The following CBR4 variants were observed in gnomAD, a reference collection of about 807,000 sequenced individuals.
CBR4 encodes the protein 3-oxoacyl-[acyl-carrier-protein] reductase.
In CBR4, 22 loss-of-function variants were observed where a neutral mutation model predicts 21.0. The observed-to-expected ratio is 1.05, with a 90% CI of 0.75 to 1.50. CBR4 has a LOEUF of 1.50. CBR4 is among the 40% of genes most tolerant of loss of function. The pLI is 0.00. For synonymous variants in CBR4, 100 were observed against 104.4 expected, an observed-to-expected ratio of 0.96 and a Z score of 0.26; for missense variants, 302 against 286.3, an observed-to-expected ratio of 1.05 and a Z score of -0.40.
Position 169,010,133 on chromosome 4 carries a change from C to A in CBR4, c.-44G>T. 1 of 1,520,490 alleles carries A rather than the reference C, an allele frequency of 6.6e-7. No individual in the cohort carries two copies. Among genetic ancestry groups the A allele is most frequent in the South Asian group, 1.2e-5 (1 of 82,446 alleles). The allele number at this position is 1,520,490 out of a possible 1,614,324, so 94.2% of individuals were successfully genotyped here. On this transcript the variant is annotated 5_prime_UTR_variant, in exon 1 of 5. Coordinates refer to ENST00000306193, the MANE Select transcript of CBR4 (RefSeq NM_032783.5). ...GAGGAAAGAGGGTAGGGAGTGGGAGCCCCTCTCCAGGTTCCCTCAGGCTTT... is the reference window on the plus strand; with the variant it reads ...GAGGAAAGAGGGTAGGGAGTGGGAGACCCTCTCCAGGTTCCCTCAGGCTTT...
chr4:168,986,564 C>T (rs779178421), downstream of CBR4, among the ~76,000 whole-genome samples: 1 of 152,056 alleles, frequency 6.6e-6, no homozygotes, highest in Non-Finnish European at 1.5e-5. Context: ...TTTTTGTCAC[C>T]ATTCTACCTC....
intron 2 of CBR4, among the ~76,000 whole-genome samples, chr4:168,922,783 A>T (rs778415522): frequency 2.6e-4 from 40 of 152,120 alleles, no homozygotes; most frequent in Non-Finnish European, 5.3e-4. Context: ...CTCAAACTAA[A>T]ACTTCACTTT....
At chr4:168,930,262 G>C (rs973114579) in intron 2 of CBR4, among the ~76,000 whole-genome samples, 1 of 152,068 alleles carries the variant, frequency 6.6e-6, no homozygotes, top group African/African-American at 2.4e-5. Flanking sequence ...AAGGGATCCA[G>C]AAGATTTACC....
At chr4:168,926,404 GCTGAAACA>G (rs546745722) in intron 2 of CBR4, 326 of 1,527,490 alleles carry the variant, frequency 2.1e-4, no homozygotes, top group Non-Finnish European at 2.7e-4. Context: ...TCTTGTTAAA[GCTGAAACA>G]CTGAAACAGC....
chr4:168,981,086 A>C (rs1764531706), intron 2 of CBR4, among the ~76,000 whole-genome samples: 1 of 152,100 alleles, frequency 6.6e-6, no homozygotes, highest in African/African-American at 2.4e-5. Flanking sequence ...AAAAGATAAA[A>C]ATATGAAAAT....
chr4:168,969,080 T>C (rs1764128332), intron 2 of CBR4, among the ~76,000 whole-genome samples: 1 of 152,218 alleles, frequency 6.6e-6, no homozygotes, highest in African/African-American at 2.4e-5. Flanking sequence ...GTGTTTTGGG[T>C]ACCCAAGCAA....
rs149990015 is a variant in CBR4, at chr4:169,006,767, T to C, written c.388A>G (p.Ile130Val). The C allele has an allele frequency of 2.7e-5, 43 of 1,613,792 alleles. No individual in the cohort carries two copies. The African/African-American group carries it at 2.8e-4, about 11-fold the overall frequency. ...RTMIQQQGGS[I>V]VNVGSIVGLK... Reference sequence around the variant, plus strand: ...GGTGAAGACTCACCTACATTAACAATAGACCCTCCCTGTTGTTGAATCATA... The same window carrying C: ...GGTGAAGACTCACCTACATTAACAACAGACCCTCCCTGTTGTTGAATCATA... The change falls in exon 3 of 5, where the codon ATT becomes GTT. Residue 130 changes from isoleucine to valine, a missense_variant. Coordinates refer to ENST00000306193, the MANE Select transcript of CBR4 (RefSeq NM_032783.5).
intron 2 of CBR4, among the ~76,000 whole-genome samples, chr4:168,914,357 C>T (rs1455564482): frequency 6.6e-6 from 1 of 152,212 alleles, no homozygotes; most frequent in Admixed American, 6.5e-5. Context: ...GGAAACCAAA[C>T]TTCTGTAACC....
At chr4:168,928,857 T>C (rs1762862564) in intron 2 of CBR4, among the ~76,000 whole-genome samples, 1 of 152,184 alleles carries the variant, frequency 6.6e-6, no homozygotes, top group African/African-American at 2.4e-5. Flanking sequence ...GCCCAGTCCC[T>C]TTTAAATTAC....
chr4:168,898,347 A>G (rs1237309897), intron 2 of CBR4: 2 of 679,436 alleles, frequency 2.9e-6, no homozygotes, highest in Admixed American at 4.4e-5. Flanking sequence ...TTTGTTTCAT[A>G]TGCAATTGAA....
At chr4:168,898,198 T>G (rs1326810568) in intron 2 of CBR4, 1 of 436,342 alleles carries the variant, frequency 2.3e-6, no homozygotes, top group Non-Finnish European at 4.2e-6. Context: ...TGCTTTTGCC[T>G]TTTTCTTTCC....
chr4:168,927,590 A>G (rs1327536279), intron 2 of CBR4: 2 of 229,492 alleles, frequency 8.7e-6, no homozygotes, highest in African/African-American at 4.4e-5. Flanking sequence ...TTTGTGCCAT[A>G]AAGTATTTTT....
downstream of CBR4, among the ~76,000 whole-genome samples, chr4:168,983,158 T>C (rs551141799): frequency 6.6e-6 from 1 of 152,244 alleles, no homozygotes; most frequent in Non-Finnish European, 1.5e-5. Context: ...ATAAGATTGA[T>C]AGACTGCTAG....
chr4:169,002,009 A>C (rs1461569497), intron 4 of CBR4, 62 bp downstream of exon 4: 2 of 1,334,762 alleles, frequency 1.5e-6, no homozygotes, highest in Non-Finnish European at 2.0e-6. Flanking sequence ...AATGTTCCAA[A>C]TAATGGCTTC....
At chr4:168,978,011 T>A (rs1006233207) in intron 2 of CBR4, among the ~76,000 whole-genome samples, 8 of 152,212 alleles carry the variant, frequency 5.3e-5, no homozygotes, top group Non-Finnish European at 8.8e-5. Flanking sequence ...GCCAGAATCA[T>A]CTTTCCTAAT....
At chr4:168,928,559 C>T (rs1158846279) in intron 2 of CBR4, 1 of 160,868 alleles carries the variant, frequency 6.2e-6, no homozygotes, top group Non-Finnish European at 1.4e-5. Context: ...CAAGTTCGGG[C>T]AGGATGTAGC....
At chr4:168,928,625 A>T (rs1357745176) in intron 2 of CBR4, among the ~76,000 whole-genome samples, 1 of 152,114 alleles carries the variant, frequency 6.6e-6, no homozygotes, top group Non-Finnish European at 1.5e-5. Flanking sequence ...GCTGGACTGT[A>T]TTCTCATCTG....
At chr4:169,006,268 C>T (rs1476566094) in intron 3 of CBR4, among the ~76,000 whole-genome samples, 2 of 151,958 alleles carry the variant, frequency 1.3e-5, no homozygotes, top group Non-Finnish European at 2.9e-5. Flanking sequence ...AATCCCAGCA[C>T]TTCGGGAGGA....
At chr4:168,908,533 T>C (rs977594651) in intron 2 of CBR4, among the ~76,000 whole-genome samples, 1 of 152,242 alleles carries the variant, frequency 6.6e-6, no homozygotes, top group Non-Finnish European at 1.5e-5. Context: ...TTTCAAGATA[T>C]AGTAATCCCA....
Sources: gnomAD v4.1 joint callset for allele counts (sites outside exome capture counted in the v4.1 genomes callset) on GRCh38, gnomAD v4.1.1 for gene constraint, MANE v1.5 for transcripts, NCBI Gene and HGNC (gene_info 2026-07-23, HGNC 2026-07-21) for gene names.